The following MMAA variants were observed in gnomAD, a reference collection of about 807,000 sequenced individuals.
MMAA encodes the protein metabolism of cobalamin associated A.
MMAA carries 41 observed loss-of-function variants against 45.0 expected under a neutral mutation model. That is an observed-to-expected ratio of 0.91 (90% CI 0.71 to 1.18). The LOEUF is 1.18. Ranked by LOEUF, MMAA falls within the 50% of genes most tolerant of loss-of-function variation. The pLI is 0.00. For synonymous variants in MMAA, 154 were observed against 178.2 expected (o/e 0.86, Z 1.08); for missense variants, 460 against 495.7 (o/e 0.93, Z 0.68).
At chr4:145,624,539 G>T in intron 1 of MMAA, 1 of 1,129,446 alleles carries the variant, frequency 8.9e-7, no homozygotes, top group South Asian at 1.3e-5. Context: ...TGTTCTTTAT[G>T]ACTTGGAAGG....
Position 145,658,289 on chromosome 4 carries a change from T to C in MMAA, c.*2855T>C, listed in dbSNP as rs2126632172. ...GCCTAATACAGGTGCTAAATACATA[T>C]CTGACAATAAATGGTAGTTATCTCT... On this transcript the variant is annotated 3_prime_UTR_variant, in exon 7 of 7. Coordinates refer to ENST00000649156, the MANE Select transcript of MMAA (RefSeq NM_172250.3). 6.6e-6 allele frequency: 1 copy of C among 152,302 alleles called. No homozygotes were observed. Among genetic ancestry groups the C allele is most frequent in the Admixed American group, 6.5e-5 (1 of 15,296 alleles). The allele number at this position is 152,302 out of a possible 1,614,324, so 9.4% of individuals were successfully genotyped here.
chr4:145,657,653 G>A lies in MMAA; in HGVS notation c.*2219G>A, dbSNP rs1728271761. 1 of 152,170 alleles carries A rather than the reference G, an allele frequency of 6.6e-6. No homozygotes were observed. The highest frequency in any genetic ancestry group is 2.4e-5 in the African/African-American group (1 of 41,440). The allele number at this position is 152,170 out of a possible 1,614,324, so 9.4% of individuals were successfully genotyped here. A position where few individuals can be genotyped will look rare whatever the true frequency, so the allele number is the denominator to read the frequency against. On this transcript the variant is annotated 3_prime_UTR_variant, in exon 7 of 7. Transcript: ENST00000649156. ...TAGCCTCAATAATTGGTAGGTGGTG[G>A]TGTAAATATTTTACATAGATACTTG...
At chr4:145,646,856 A>G (rs144008820) in intron 4 of MMAA, among the ~76,000 whole-genome samples, 183 of 152,348 alleles carry the variant, frequency 1.2e-3, no homozygotes, top group Non-Finnish European at 1.6e-3. Context: ...ACTTAGAGCA[A>G]AGAGTGTGAA....
intron 1 of MMAA, among the ~76,000 whole-genome samples, chr4:145,629,252 T>G (rs1368757608): frequency 6.6e-6 from 1 of 152,190 alleles, no homozygotes; most frequent in African/African-American, 2.4e-5. Flanking sequence ...TGCCTCAGCC[T>G]CCCGTGTAGC....
chr4:145,631,643 C>T (rs1190046977), intron 1 of MMAA, among the ~76,000 whole-genome samples: 1 of 152,056 alleles, frequency 6.6e-6, no homozygotes, highest in Non-Finnish European at 1.5e-5. Context: ...AGTCCATTTA[C>T]ATTGAATGTT....
At position 145,640,637 on chromosome 4, in the gene MMAA, G is replaced by A. The variant is rs948622529; in HGVS notation, c.439+1059G>A. ...ACCAAAGTGCTGGGACTACAGGCATGGGCTACCATGCCCAGCCTATCAAAA... is the reference window on the plus strand; with the variant it reads ...ACCAAAGTGCTGGGACTACAGGCATAGGCTACCATGCCCAGCCTATCAAAA... On this transcript the variant is annotated intron_variant, in intron 2 of 6. Transcript: ENST00000649156. Among the ~76,000 whole-genome samples, 3 of 152,288 alleles carry A rather than the reference G, an allele frequency of 2.0e-5. 1 individual carries two copies. In the Middle Eastern group the frequency reaches 0.01, roughly 518 times the overall value.
intron 1 of MMAA, among the ~76,000 whole-genome samples, chr4:145,621,153 C>T (rs1364312558): frequency 6.6e-6 from 1 of 152,212 alleles, no homozygotes; most frequent in African/African-American, 2.4e-5. Flanking sequence ...CTCATTTATA[C>T]TCACCATGAT....
At chr4:145,640,262 A>G (rs1480696266) in intron 2 of MMAA, among the ~76,000 whole-genome samples, 3 of 151,904 alleles carry the variant, frequency 2.0e-5, no homozygotes, top group Admixed American at 1.3e-4. Flanking sequence ...ACAGGCATGC[A>G]CTACCATGCC....
At position 145,639,060 on chromosome 4, in the gene MMAA, TTTTC is replaced by T; in HGVS notation, c.-65-8_-65-5del. The T allele has an allele frequency of 1.5e-6, 2 of 1,330,258 alleles. No homozygotes were observed. The highest frequency in any genetic ancestry group is 2.2e-6 in the Non-Finnish European group (2 of 923,442). 82.4% of individuals were successfully genotyped at this position (1,330,258 alleles called of 1,614,324 possible). On this transcript the variant is annotated splice_polypyrimidine_tract_variant and intron_variant, in intron 1 of 6. Transcript: ENST00000649156. Reference sequence around the variant, plus strand: ...TTATATATCGAACTGGCTAACATGTTTTTCTTTCTTCTAGGGAGGTCACAATCAC... The same window carrying T: ...TTATATATCGAACTGGCTAACATGTTTTTCTTCTAGGGAGGTCACAATCAC...
chr4:145,623,887 A>G (rs1734141470), intron 1 of MMAA, among the ~76,000 whole-genome samples: 1 of 152,192 alleles, frequency 6.6e-6, no homozygotes, highest in Non-Finnish European at 1.5e-5. Flanking sequence ...AGACATACCC[A>G]CAAAGATGCT....
rs1727934093 is a variant in MMAA at position 145,646,631 on chromosome 4, G to A, written c.733+475G>A. On this transcript the variant is annotated intron_variant, in intron 4 of 6. Coordinates refer to ENST00000649156, the MANE Select transcript of MMAA (RefSeq NM_172250.3). ...ACCCTAATAAATTCTTTCTTGTGGAGAGACAGTCTATTATATTACTGTGGG... is the reference window on the plus strand; with the variant it reads ...ACCCTAATAAATTCTTTCTTGTGGAAAGACAGTCTATTATATTACTGTGGG... 1.6e-5 allele frequency: 3 copies of A among 183,878 alleles called. No homozygotes were observed. In the East Asian group the frequency reaches 4.6e-4, roughly 28 times the overall value. The allele number at this position is 183,878 out of a possible 1,614,324, so 11.4% of individuals were successfully genotyped here.
chr4:145,659,679 G>C lies in MMAA; in HGVS notation c.*4245G>C, dbSNP rs1173213613. 3 of 151,758 alleles carry C rather than the reference G, an allele frequency of 2.0e-5. No individual in the cohort carries two copies. Among genetic ancestry groups the C allele is most frequent in the African/African-American group, 7.3e-5 (3 of 41,262 alleles). 9.4% of individuals were successfully genotyped at this position (151,758 alleles called of 1,614,324 possible). ...TTTTTCAATTTTTACAATAATTTTT[G>C]ACACATTGAAGCTGTGCATGTTTAT... On this transcript the variant is annotated 3_prime_UTR_variant, in exon 7 of 7. Transcript: ENST00000649156.
chr4:145,652,114 G>A (rs1006315959), intron 5 of MMAA, among the ~76,000 whole-genome samples: 1 of 152,020 alleles, frequency 6.6e-6, no homozygotes, highest in African/African-American at 2.4e-5. Context: ...AGACAAATCA[G>A]GACCATCCAA....
In MMAA at chr4:145,655,186, G is replaced by A. The variant is rs905556314; in HGVS notation, c.1009G>A (p.Glu337Lys). 1 of 1,614,016 alleles carries A rather than the reference G, an allele frequency of 6.2e-7. No homozygotes were observed. The highest frequency in any genetic ancestry group is 1.3e-5 in the African/African-American group (1 of 74,912). ...TGCCCGAAGTGGAGAGGGGATCTCTGAAATGTGGGATAAAATGAAAGATTT... is the reference window on the plus strand; with the variant it reads ...TGCCCGAAGTGGAGAGGGGATCTCTAAAATGTGGGATAAAATGAAAGATTT... ...ISARSGEGIS[E>K]MWDKMKDFQD... The change falls in exon 7 of 7, where the codon GAA becomes AAA. Residue 337 changes from glutamate to lysine, a missense_variant. Physicochemically the swap from Glu to Lys is moderately conservative, Grantham distance 56. Transcript: ENST00000649156.
At position 145,659,783 on chromosome 4, in the gene MMAA, C is replaced by T. The variant is rs942218462; in HGVS notation, c.*4349C>T. 5 of 152,112 alleles carry T rather than the reference C, an allele frequency of 3.3e-5. No individual in the cohort carries two copies. Among genetic ancestry groups the T allele is most frequent in the Admixed American group, 1.3e-4 (2 of 15,272 alleles). 9.4% of individuals were successfully genotyped at this position (152,112 alleles called of 1,614,324 possible). ...GGAGTACTTAGCATATCTATCATCT[C>T]GTGCATTTATCATTTCTTTGTGGCG... On this transcript the variant is annotated 3_prime_UTR_variant, in exon 7 of 7. Coordinates refer to ENST00000649156, the MANE Select transcript of MMAA (RefSeq NM_172250.3).
At position 145,659,585 on chromosome 4, in the gene MMAA, A is replaced by G. The variant is rs1364865415; in HGVS notation, c.*4151A>G. On this transcript the variant is annotated 3_prime_UTR_variant, in exon 7 of 7. Coordinates refer to ENST00000649156, the MANE Select transcript of MMAA (RefSeq NM_172250.3). ...TAACTAACACAGAAGAAATCATGTG[A>G]CCTCATTCTCAAAGCTCGTAACATC... is the stretch of plus-strand genomic sequence containing the variant. The G allele has an allele frequency of 1.3e-5, 2 of 151,920 alleles. No individual in the cohort carries two copies. The highest frequency in any genetic ancestry group is 6.6e-5 in the Admixed American group (1 of 15,248). 9.4% of individuals were successfully genotyped at this position (151,920 alleles called of 1,614,324 possible).
chr4:145,653,912 A>T, intron 5 of MMAA, 82 bp from the exon 6 acceptor site: 1 of 1,430,112 alleles, frequency 7.0e-7, no homozygotes, highest in Non-Finnish European at 9.9e-7. Flanking sequence ...AGTTAATGAA[A>T]TGTATGACTT....
At chr4:145,629,900 G>A (rs1001660771) in intron 1 of MMAA, among the ~76,000 whole-genome samples, 3 of 152,060 alleles carry the variant, frequency 2.0e-5, no homozygotes, top group African/African-American at 7.2e-5. Flanking sequence ...TAATATGTGG[G>A]AATTATGGGA....
In MMAA at chr4:145,657,666, A is replaced by G. The variant is rs1246451542; in HGVS notation, c.*2232A>G. 2 of 152,266 alleles carry G rather than the reference A, an allele frequency of 1.3e-5. No individual in the cohort carries two copies. The highest frequency in any genetic ancestry group is 1.5e-5 in the Non-Finnish European group (1 of 68,054). The allele number at this position is 152,266 out of a possible 1,614,324, so 9.4% of individuals were successfully genotyped here. A position where few individuals can be genotyped will look rare whatever the true frequency, so the allele number is the denominator to read the frequency against. On this transcript the variant is annotated 3_prime_UTR_variant, in exon 7 of 7. Transcript: ENST00000649156. ...TGGTAGGTGGTGGTGTAAATATTTT[A>G]CATAGATACTTGTGACAGTTCTTTG... is the stretch of plus-strand genomic sequence containing the variant.
Sources: allele counts gnomAD v4.1 joint callset (sites outside exome capture counted in the v4.1 genomes callset), GRCh38; gene constraint gnomAD v4.1.1; transcripts MANE v1.5; gene names NCBI Gene and HGNC (gene_info 2026-07-23, HGNC 2026-07-21).